GALNT11: variants seen among roughly 807,000 people sequenced by gnomAD.
GALNT11 encodes the protein UDP-GalNAc:polypeptide N-acetylgalactosaminyltransferase 11.
A neutral mutation model predicts 72.7 loss-of-function variants in GALNT11; 47 were observed. That is an observed-to-expected ratio of 0.65 (90% CI 0.51 to 0.82). The LOEUF (loss-of-function observed/expected upper bound fraction) is 0.82, where lower values mean the gene tolerates loss of function less well. Among genes scored for constraint, GALNT11 ranks in the 40% least tolerant of loss-of-function variants. GALNT11 has a pLI of 0.00. For missense variants in GALNT11, 677 were observed against 778.4 expected, an observed-to-expected ratio of 0.87 and a Z score of 1.55; for synonymous variants, 270 against 286.6, an observed-to-expected ratio of 0.94 and a Z score of 0.58.
chr7:152,054,566 A>G (rs2083563946), intron 1 of GALNT11, among the ~76,000 whole-genome samples: 1 of 137,138 alleles, frequency 7.3e-6, no homozygotes, highest in East Asian at 2.1e-4. Flanking sequence ...GAAGTGGTGC[A>G]GTGGCTATGG....
intron 8 of GALNT11, among the ~76,000 whole-genome samples, chr7:152,115,557 G>T (rs1207631506): frequency 6.6e-6 from 1 of 152,182 alleles, no homozygotes; most frequent in East Asian, 1.9e-4. Context: ...GGAGCTAGCG[G>T]CTGCTCTCCA....
intron 1 of GALNT11, among the ~76,000 whole-genome samples, chr7:152,032,203 A>G (rs2082335933): frequency 1.3e-5 from 2 of 152,192 alleles, no homozygotes; most frequent in Admixed American, 1.3e-4. Flanking sequence ...AGTGGCCTAG[A>G]TCTTGGGCCA....
chr7:152,060,426 A>G (rs1057319963), intron 1 of GALNT11, among the ~76,000 whole-genome samples: 1 of 151,338 alleles, frequency 6.6e-6, no homozygotes, highest in Non-Finnish European at 1.5e-5. Context: ...CTTTCAGCCC[A>G]TCTTGGCTTT....
At chr7:152,060,624 C>G (rs1008783867) in intron 1 of GALNT11, among the ~76,000 whole-genome samples, 22 of 151,890 alleles carry the variant, frequency 1.4e-4, no homozygotes, top group Non-Finnish European at 2.5e-4. Flanking sequence ...ATCCCTCCCC[C>G]CCCTCCACCC....
chr7:152,086,448 G>A lies in GALNT11; in HGVS notation c.-38-7742G>A, dbSNP rs77490100. ...TATATGTTTTTAAATTTAGTCTTAC[G>A]ATTTACTATGTAAAAAATACTCTCT... On this transcript the variant is annotated intron_variant, in intron 1 of 11. Transcript: ENST00000430044. Among the ~76,000 whole-genome samples the A allele has an allele frequency of 4.9e-3, 745 of 152,276 alleles. 8 individuals carry two copies. The highest frequency in any genetic ancestry group is 0.017 in the African/African-American group (710 of 41,564).
At chr7:152,118,456 A>C (rs919558794) in intron 9 of GALNT11, 1 of 469,064 alleles carries the variant, frequency 2.1e-6, no homozygotes, top group African/African-American at 2.0e-5. Flanking sequence ...CACTGTCTGC[A>C]TGTTAAAACT....
chr7:152,046,530 T>C (rs2083134861), intron 1 of GALNT11, among the ~76,000 whole-genome samples: 1 of 152,240 alleles, frequency 6.6e-6, no homozygotes, highest in South Asian at 2.1e-4. Context: ...CTTGCTGAAC[T>C]GAGTTCTTTA....
intron 1 of GALNT11, among the ~76,000 whole-genome samples, chr7:152,052,863 A>G (rs138484784): frequency 0.037 from 5,626 of 152,292 alleles, 147 homozygotes; most frequent in South Asian, 0.069. Flanking sequence ...CAAATGTGAC[A>G]TGTCTAAAAC....
intron 1 of GALNT11, among the ~76,000 whole-genome samples, chr7:152,070,599 A>C (rs948105309): frequency 6.6e-6 from 1 of 152,042 alleles, no homozygotes; most frequent in Non-Finnish European, 1.5e-5. Flanking sequence ...ATCAACTCTG[A>C]TCTCCTCTTT....
At chr7:152,103,978 G>A (rs1259428080) in intron 4 of GALNT11, 2 of 152,208 alleles carry the variant, frequency 1.3e-5, no homozygotes, top group Non-Finnish European at 2.9e-5. Context: ...CATTCTGATA[G>A]CTCCTCAATG....
chr7:152,056,666 C>T (rs2083695993), intron 1 of GALNT11, among the ~76,000 whole-genome samples: 1 of 152,112 alleles, frequency 6.6e-6, no homozygotes, highest in African/African-American at 2.4e-5. Context: ...TACAGAGACA[C>T]ACACCAAACC....
intron 1 of GALNT11, among the ~76,000 whole-genome samples, chr7:152,077,143 A>G (rs1323327203): frequency 6.6e-6 from 1 of 152,212 alleles, no homozygotes; most frequent in Non-Finnish European, 1.5e-5. Context: ...TCTTTTTGGC[A>G]GTACCTAGCC....
intron 1 of GALNT11, among the ~76,000 whole-genome samples, 195 bp downstream of exon 1, chr7:152,026,079 C>G (rs1200042981): frequency 6.6e-6 from 1 of 152,086 alleles, no homozygotes; most frequent in Non-Finnish European, 1.5e-5. Context: ...CGCGCCTCCC[C>G]CAGCGTCTCC....
intron 8 of GALNT11, 127 bp from the exon 9 acceptor site, chr7:152,117,030 C>A: frequency 1.2e-6 from 1 of 819,728 alleles, no homozygotes; most frequent in South Asian, 1.5e-5. Flanking sequence ...TTCTCAGATA[C>A]AGTTTAAGGT....
chr7:152,117,536 C>G, intron 9 of GALNT11, 161 bp downstream of exon 9: 1 of 703,330 alleles, frequency 1.4e-6, no homozygotes, highest in Middle Eastern at 2.6e-4. Flanking sequence ...AACTTCTCTA[C>G]GCAAGTGTAG....
intron 2 of GALNT11, among the ~76,000 whole-genome samples, chr7:152,096,879 G>T (rs1053616288): frequency 6.6e-6 from 1 of 152,084 alleles, no homozygotes; most frequent in African/African-American, 2.4e-5. Flanking sequence ...CTGCGGTGGA[G>T]GGCAGTGGCA....
chr7:152,067,149 A>T (rs1162234397), intron 1 of GALNT11, among the ~76,000 whole-genome samples: 1 of 152,156 alleles, frequency 6.6e-6, no homozygotes, highest in Non-Finnish European at 1.5e-5. Flanking sequence ...TGTTTTGGGG[A>T]GGAAGACTAC....
At chr7:152,075,875 C>G (rs1358459420) in intron 1 of GALNT11, among the ~76,000 whole-genome samples, 2 of 150,684 alleles carry the variant, frequency 1.3e-5, no homozygotes, top group African/African-American at 4.9e-5. Flanking sequence ...TCCTGGCTAA[C>G]ACACTGAAAC....
chr7:152,109,398 G>T (rs2087938602), intron 6 of GALNT11, among the ~76,000 whole-genome samples: 1 of 152,152 alleles, frequency 6.6e-6, no homozygotes, highest in African/African-American at 2.4e-5. Context: ...GTCTTACTTT[G>T]CTTCCCTTAA....
Sources: gnomAD v4.1 joint callset for allele counts (sites outside exome capture counted in the v4.1 genomes callset) on GRCh38, gnomAD v4.1.1 for gene constraint, MANE v1.5 for transcripts, NCBI Gene and HGNC (gene_info 2026-07-23, HGNC 2026-07-21) for gene names.